CDKAL1: variants seen among roughly 807,000 people sequenced by gnomAD.
CDKAL1 encodes threonylcarbamoyladenosine tRNA methylthiotransferase.
Under a neutral mutation model 68.2 loss-of-function variants are expected in CDKAL1, and 32 were observed. The ratio of observed to expected loss-of-function variants is 0.47; its 90% CI spans 0.35 to 0.63. The LOEUF (loss-of-function observed/expected upper bound fraction) is 0.63, where lower values mean the gene tolerates loss of function less well. Ranked by LOEUF, CDKAL1 falls within the 30% of genes least tolerant of loss-of-function variation. The pLI, the probability that CDKAL1 is intolerant of heterozygous loss-of-function variation, is 0.00. For synonymous variants in CDKAL1, 234 were observed against 244.3 expected, an observed-to-expected ratio of 0.96 and a Z score of 0.39; for missense variants, 606 against 696.7, an observed-to-expected ratio of 0.87 and a Z score of 1.47.
intron 12 of CDKAL1, among the ~76,000 whole-genome samples, chr6:21,069,787 T>TA (rs1771663208): frequency 1.4e-5 from 1 of 69,740 alleles, no homozygotes; most frequent in Non-Finnish European, 2.7e-5. Context: ...TTTTTTTTTT[T>TA]TTTTTTTTTT....
At chr6:21,051,175 G>T (rs1367076776) in intron 11 of CDKAL1, among the ~76,000 whole-genome samples, 1 of 152,226 alleles carries the variant, frequency 6.6e-6, no homozygotes, top group Non-Finnish European at 1.5e-5. Flanking sequence ...GAGCAATGTC[G>T]TGAGATCTCA....
chr6:20,749,738 G>T (rs2150337760), intron 6 of CDKAL1, among the ~76,000 whole-genome samples: 1 of 151,904 alleles, frequency 6.6e-6, no homozygotes, highest in South Asian at 2.1e-4. Flanking sequence ...TAGTAGAGAT[G>T]GGGTCTCACT....
At chr6:21,005,967 A>G (rs180725174) in intron 11 of CDKAL1, among the ~76,000 whole-genome samples, 22 of 152,254 alleles carry the variant, frequency 1.4e-4, no homozygotes, top group Non-Finnish European at 2.5e-4. Context: ...TACTCATTCA[A>G]TGGAAGGGGC....
intron 13 of CDKAL1, among the ~76,000 whole-genome samples, chr6:21,168,195 T>G (rs976274654): frequency 2.0e-5 from 3 of 152,194 alleles, no homozygotes; most frequent in African/African-American, 7.2e-5. Flanking sequence ...AACCCTTCTT[T>G]CTGGGGGCAG....
intron 15 of CDKAL1, among the ~76,000 whole-genome samples, chr6:21,214,295 A>G (rs1779265406): frequency 6.6e-6 from 1 of 151,552 alleles, no homozygotes; most frequent in African/African-American, 2.4e-5. Flanking sequence ...TGTACTTCAA[A>G]ATTGTTCAAA....
At chr6:20,777,584 C>T (rs746575690) in intron 7 of CDKAL1, among the ~76,000 whole-genome samples, 15 of 152,104 alleles carry the variant, frequency 9.9e-5, no homozygotes, top group Non-Finnish European at 1.6e-4. Flanking sequence ...CACTGCACTC[C>T]GGCCTGGGCG....
At chr6:21,181,341 G>A (rs1412859216) in intron 13 of CDKAL1, among the ~76,000 whole-genome samples, 1 of 152,138 alleles carries the variant, frequency 6.6e-6, no homozygotes, top group Admixed American at 6.5e-5. Context: ...ATTGGGTGTT[G>A]GGACCTTCAA....
chr6:20,608,258 T>C (rs1164108745), intron 4 of CDKAL1, among the ~76,000 whole-genome samples: 1 of 152,130 alleles, frequency 6.6e-6, no homozygotes, highest in Non-Finnish European at 1.5e-5. Flanking sequence ...GAGAGTGAAA[T>C]TGGTACATGT....
At chr6:20,860,314 G>C (rs772875341) in intron 9 of CDKAL1, among the ~76,000 whole-genome samples, 1 of 152,062 alleles carries the variant, frequency 6.6e-6, no homozygotes, top group African/African-American at 2.4e-5. Flanking sequence ...CCTGACCTCA[G>C]GTGATCCGCC....
intron 2 of CDKAL1, among the ~76,000 whole-genome samples, chr6:20,536,373 C>T (rs1213687243): frequency 6.6e-6 from 1 of 152,058 alleles, no homozygotes; most frequent in Non-Finnish European, 1.5e-5. Context: ...ATAATGTTAG[C>T]TCCTAAATTT....
At chr6:20,747,524 C>T (rs977287017) in intron 6 of CDKAL1, among the ~76,000 whole-genome samples, 2 of 152,190 alleles carry the variant, frequency 1.3e-5, no homozygotes, top group African/African-American at 4.8e-5. Flanking sequence ...CATGGCCATC[C>T]TCAGTGAGGT....
chr6:21,114,811 T>C (rs1294730713), intron 13 of CDKAL1, among the ~76,000 whole-genome samples: 3 of 152,140 alleles, frequency 2.0e-5, no homozygotes, highest in African/African-American at 7.2e-5. Flanking sequence ...TTTTAAGTAG[T>C]GTATCAGGAC....
intron 9 of CDKAL1, among the ~76,000 whole-genome samples, chr6:20,937,953 T>G (rs186910833): frequency 6.6e-6 from 1 of 152,102 alleles, no homozygotes; most frequent in East Asian, 1.9e-4. Context: ...AAGTTTAGCA[T>G]CCATGGATGA....
chr6:21,091,857 C>CTTTTTTTTTTT (rs70990099), intron 12 of CDKAL1, among the ~76,000 whole-genome samples: 15 of 70,578 alleles, frequency 2.1e-4, no homozygotes, highest in Non-Finnish European at 3.6e-4. Context: ...TCAGAACTTT[C>CTTTTTTTTTTT]TTTTTTTTTT....
intron 13 of CDKAL1, among the ~76,000 whole-genome samples, chr6:21,126,270 TAAAG>T (rs1775007972): frequency 1.3e-5 from 2 of 152,182 alleles, no homozygotes; most frequent in Admixed American, 1.3e-4. Flanking sequence ...TGTAGTTATA[TAAAG>T]AGAGTAAAGC....
chr6:20,704,347 T>C (rs552326841), intron 5 of CDKAL1, among the ~76,000 whole-genome samples: 1 of 152,190 alleles, frequency 6.6e-6, no homozygotes, highest in African/African-American at 2.4e-5. Context: ...GTGTAATTTT[T>C]TGTAGCGTAG....
intron 5 of CDKAL1, among the ~76,000 whole-genome samples, chr6:20,730,252 G>A (rs907403588): frequency 2.0e-5 from 3 of 151,644 alleles, no homozygotes; most frequent in African/African-American, 7.3e-5. Flanking sequence ...TTGAACCTGG[G>A]AGGTGGAGGT....
At chr6:20,586,918 A>T (rs1484973448) in intron 4 of CDKAL1, among the ~76,000 whole-genome samples, 1 of 149,418 alleles carries the variant, frequency 6.7e-6, no homozygotes, top group Non-Finnish European at 1.5e-5. Context: ...TTCTTTGAAT[A>T]TACCAAGCAT....
intron 15 of CDKAL1, among the ~76,000 whole-genome samples, chr6:21,224,669 A>T (rs1000592695): frequency 2.0e-5 from 3 of 152,192 alleles, no homozygotes; most frequent in Non-Finnish European, 4.4e-5. Flanking sequence ...CTCCAGAAGA[A>T]TGCCTCCCAG....
Sources: allele counts gnomAD v4.1 joint callset (sites outside exome capture counted in the v4.1 genomes callset), GRCh38; gene constraint gnomAD v4.1.1; transcripts MANE v1.5; gene names NCBI Gene and HGNC (gene_info 2026-07-23, HGNC 2026-07-21).